The following STPG4 variants were observed in gnomAD, a reference collection of about 807,000 sequenced individuals.
STPG4 encodes the protein sperm-tail PG-rich repeat containing 4.
Under a neutral mutation model 31.5 loss-of-function variants are expected in STPG4, and 41 were observed. That is an observed-to-expected ratio of 1.30 (90% confidence interval 1.01 to 1.69). The LOEUF (loss-of-function observed/expected upper bound fraction) is 1.69. Among genes scored for constraint, STPG4 ranks in the 40% most tolerant of loss-of-function variants. STPG4 has a pLI of 0.00. For synonymous variants in STPG4, 141 were observed against 103.0 expected (o/e 1.37, Z -2.24); for missense variants, 375 against 293.4 (o/e 1.28, Z -2.03).
intron 3 of STPG4, among the ~76,000 whole-genome samples, chr2:47,131,471 C>T (rs529912614): frequency 7.0e-4 from 107 of 152,296 alleles, no homozygotes; most frequent in African/African-American, 2.4e-3. Context: ...TCAATTCAGC[C>T]ATTTAGTGAG....
At chr2:47,105,492 C>A (rs1358840395) in intron 5 of STPG4, among the ~76,000 whole-genome samples, 1 of 152,040 alleles carries the variant, frequency 6.6e-6, no homozygotes, top group Non-Finnish European at 1.5e-5. Flanking sequence ...GCGTGGCCCT[C>A]AACCCTGCCA....
At chr2:47,088,364 C>T (rs1006188474) in intron 6 of STPG4, among the ~76,000 whole-genome samples, 7 of 152,204 alleles carry the variant, frequency 4.6e-5, no homozygotes, top group Non-Finnish European at 1.0e-4. Context: ...GCTGGTGGCA[C>T]ATGCACATAT....
At chr2:47,137,810 C>A (rs140405233) in intron 3 of STPG4, among the ~76,000 whole-genome samples, 1 of 152,164 alleles carries the variant, frequency 6.6e-6, no homozygotes, top group Non-Finnish European at 1.5e-5. Flanking sequence ...TCAATAGGAT[C>A]TGTAGTGATG....
intron 5 of STPG4, among the ~76,000 whole-genome samples, 186 bp from the exon 6 acceptor site, chr2:47,090,560 G>C (rs1685550924): frequency 6.6e-6 from 1 of 152,178 alleles, no homozygotes; most frequent in Non-Finnish European, 1.5e-5. Context: ...AGTAACTCCT[G>C]CCTCACCTTC....
At chr2:47,126,361 T>C (rs1573179731) in intron 5 of STPG4, among the ~76,000 whole-genome samples, 1 of 152,238 alleles carries the variant, frequency 6.6e-6, no homozygotes, top group East Asian at 1.9e-4. Flanking sequence ...GGTCTTGTTC[T>C]GTTGCCCAGG....
intron 5 of STPG4, among the ~76,000 whole-genome samples, chr2:47,117,765 A>T (rs1360877147): frequency 6.6e-6 from 1 of 152,206 alleles, no homozygotes; most frequent in African/African-American, 2.4e-5. Flanking sequence ...ATAGGGTGTC[A>T]CACACATAAG....
intron 6 of STPG4, among the ~76,000 whole-genome samples, chr2:47,089,988 GATGGCTGATTA>G (rs1485568733): frequency 6.6e-6 from 1 of 152,226 alleles, no homozygotes. Context: ...TGGTAACATT[GATGGCTGATTA>G]ATGTGCTGCT....
chr2:47,127,601 G>A (rs1051108887), intron 5 of STPG4, among the ~76,000 whole-genome samples: 1 of 152,094 alleles, frequency 6.6e-6, no homozygotes, highest in Non-Finnish European at 1.5e-5. Context: ...TGTTTGATCA[G>A]TTCTGCTATT....
intron 5 of STPG4, among the ~76,000 whole-genome samples, chr2:47,109,429 C>T (rs1159677601): frequency 2.6e-5 from 4 of 151,934 alleles, no homozygotes; most frequent in Admixed American, 1.3e-4. Context: ...TGGTGGCAGA[C>T]GCCTGTAATC....
intron 5 of STPG4, among the ~76,000 whole-genome samples, chr2:47,113,562 A>G (rs1686083792): frequency 6.6e-6 from 1 of 152,226 alleles, no homozygotes; most frequent in Non-Finnish European, 1.5e-5. Context: ...CAAATCAAAC[A>G]TATTAAAAGA....
intron 3 of STPG4, among the ~76,000 whole-genome samples, chr2:47,137,836 C>G (rs1158037448): frequency 1.3e-5 from 2 of 152,016 alleles, no homozygotes; most frequent in Non-Finnish European, 2.9e-5. Context: ...TCTTTTGTGT[C>G]TAATATTAGT....
chr2:47,090,329 T>TAC lies in STPG4; in HGVS notation c.564_565insGT (p.Thr189ValfsTer32). On this transcript the variant is annotated frameshift_variant, in exon 6 of 7. Coordinates refer to ENST00000445927, the MANE Select transcript of STPG4 (RefSeq NM_001163561.2). LOFTEE classifies it high-confidence loss of function. ...TGAAAACAAGAAGTGACAGAGCTTG[T>TAC]TGGAGGCATTTTCACATTATAATGA... The TAC allele has an allele frequency of 8.4e-6, 13 of 1,552,090 alleles. No individual in the cohort carries two copies. Among genetic ancestry groups the TAC allele is most frequent in the Non-Finnish European group, 1.1e-5 (13 of 1,147,040 alleles).
At chr2:47,090,820 A>ATTCACTGAT (rs1361572164) in intron 5 of STPG4, among the ~76,000 whole-genome samples, 1 of 152,252 alleles carries the variant, frequency 6.6e-6, no homozygotes, top group East Asian at 1.9e-4. Context: ...TCTCAGTCCA[A>ATTCACTGAT]AAAAGTATTC....
chr2:47,137,737 C>T (rs1490888000), intron 3 of STPG4, among the ~76,000 whole-genome samples: 1 of 152,060 alleles, frequency 6.6e-6, no homozygotes, highest in African/African-American at 2.4e-5. Flanking sequence ...TTCATTTTAT[C>T]TAGGTAATCA....
chr2:47,095,697 C>G (rs998335933), intron 5 of STPG4, among the ~76,000 whole-genome samples: 1 of 152,186 alleles, frequency 6.6e-6, no homozygotes, highest in Non-Finnish European at 1.5e-5. Context: ...CTCCTAACAG[C>G]TGCTCTCTCT....
intron 5 of STPG4, among the ~76,000 whole-genome samples, chr2:47,123,963 CTT>C (rs1292352215): frequency 6.6e-6 from 1 of 151,948 alleles, no homozygotes; most frequent in Non-Finnish European, 1.5e-5. Context: ...CAATTATACT[CTT>C]ATTTTTATTT....
chr2:47,103,849 G>A (rs998954378), intron 5 of STPG4, among the ~76,000 whole-genome samples: 1 of 151,804 alleles, frequency 6.6e-6, no homozygotes, highest in Non-Finnish European at 1.5e-5. Context: ...TGAGGGCCAG[G>A]AAATTGACTT....
At chr2:47,089,222 C>G (rs1004511675) in intron 6 of STPG4, among the ~76,000 whole-genome samples, 1 of 152,262 alleles carries the variant, frequency 6.6e-6, no homozygotes, top group Non-Finnish European at 1.5e-5. Flanking sequence ...AAACATGTTT[C>G]TGGATCATGG....
chr2:47,100,332 C>T (rs1397803689), intron 5 of STPG4, among the ~76,000 whole-genome samples: 4 of 150,580 alleles, frequency 2.7e-5, no homozygotes, highest in African/African-American at 7.3e-5. Context: ...TTTGTGAATG[C>T]ACCAATCCAC....
Sources: allele counts gnomAD v4.1 joint callset (sites outside exome capture counted in the v4.1 genomes callset), GRCh38; gene constraint gnomAD v4.1.1; transcripts MANE v1.5; gene names NCBI Gene and HGNC (gene_info 2026-07-23, HGNC 2026-07-21).